PCDHGA3: variants seen among roughly 807,000 people sequenced by gnomAD.
The protein encoded by PCDHGA3 is protocadherin gamma subfamily A, 3.
Under a neutral mutation model 58.5 loss-of-function variants are expected in PCDHGA3, and 40 were observed. The observed-to-expected ratio is 0.68, with a 90% CI of 0.53 to 0.89. The LOEUF (loss-of-function observed/expected upper bound fraction) is 0.89, where lower values mean the gene tolerates loss of function less well. Ranked by LOEUF, PCDHGA3 falls within the 40% of genes least tolerant of loss-of-function variation. The pLI, the probability that PCDHGA3 is intolerant of heterozygous loss-of-function variation, is 0.00. For missense variants in PCDHGA3, 1,223 were observed against 1,195.9 expected (o/e 1.02, Z -0.33); for synonymous variants, 530 against 525.7 (o/e 1.01, Z -0.11).
intron 1 of PCDHGA3, chr5:141,478,018 C>T: frequency 1.9e-6 from 3 of 1,614,124 alleles, no homozygotes; most frequent in Non-Finnish European, 2.5e-6. Context: ...CCCGTCCAGT[C>T]CAAGACACAG....
chr5:141,361,023 A>T (rs1171139053), intron 1 of PCDHGA3: 1 of 1,613,384 alleles, frequency 6.2e-7, no homozygotes, highest in Non-Finnish European at 8.5e-7. Context: ...ACTTAAATGA[A>T]AAAACAGGAG....
In PCDHGA3 at chr5:141,489,335, G is replaced by A. The variant is rs138015049; in HGVS notation, c.2425-5472G>A. The A allele has an allele frequency of 8.2e-5, 132 of 1,607,244 alleles. No individual in the cohort carries two copies. The African/African-American group carries it at 1.5e-3, about 18-fold the overall frequency. On this transcript the variant is annotated intron_variant, in intron 1 of 3. Transcript: ENST00000253812. This position sits in a 1 kb window ranked among gnomAD's most constrained non-coding sequence, Gnocchi z 4.5. ...TGGGGCTGGGTGTCTGGGCAGCTTC[G>A]TTACTCAGTGGTGGAGGAGTCTGAG...
intron 1 of PCDHGA3, chr5:141,419,630 G>A (rs1484627772): frequency 6.2e-7 from 1 of 1,612,430 alleles, no homozygotes; most frequent in South Asian, 1.1e-5. Context: ...GGTGACCAAG[G>A]TGGTGGCCGT....
At chr5:141,350,118 T>A in intron 1 of PCDHGA3, 2 of 585,768 alleles carry the variant, frequency 3.4e-6, no homozygotes, top group Non-Finnish European at 5.3e-6. Context: ...CTTTGTCCGG[T>A]GCACTGAGCA....
At chr5:141,400,769 T>C (rs2094071773) in intron 1 of PCDHGA3, 2 of 575,796 alleles carry the variant, frequency 3.5e-6, no homozygotes, top group Admixed American at 3.4e-5. Flanking sequence ...GCAAAAACAT[T>C]TGGTGCGTTT....
Position 141,450,950 on chromosome 5 carries a change from A to G in PCDHGA3, c.2425-43857A>G, listed in dbSNP as rs1176916120. ...AGCAATTCTCCTACCTCAGCCTCCCAAGTAGCTGGGATTACAGGCATGTGC... is the reference window on the plus strand; with the variant it reads ...AGCAATTCTCCTACCTCAGCCTCCCGAGTAGCTGGGATTACAGGCATGTGC... On this transcript the variant is annotated intron_variant, in intron 1 of 3. Coordinates refer to ENST00000253812, the MANE Select transcript of PCDHGA3 (RefSeq NM_018916.4). Among the ~76,000 whole-genome samples, 9 of 150,714 alleles carry G rather than the reference A, an allele frequency of 6.0e-5. No individual in the cohort carries two copies. In the East Asian group the frequency reaches 1.6e-3, roughly 26 times the overall value.
At chr5:141,463,844 G>T (rs545618795) in intron 1 of PCDHGA3, among the ~76,000 whole-genome samples, 1 of 152,140 alleles carries the variant, frequency 6.6e-6, no homozygotes, top group African/African-American at 2.4e-5. Context: ...AGTTGTTATA[G>T]TGGTATATCT....
At chr5:141,418,966 C>T (rs754269610) in intron 1 of PCDHGA3, 44 of 1,613,892 alleles carry the variant, frequency 2.7e-5, no homozygotes, top group Non-Finnish European at 3.6e-5. Flanking sequence ...TTGCCCTCTT[C>T]AAAACACGGG....
At chr5:141,426,667 A>G in intron 1 of PCDHGA3, 2 of 430,860 alleles carry the variant, frequency 4.6e-6, no homozygotes, top group Non-Finnish European at 9.5e-6. Context: ...ATAAATGATA[A>G]CCCACCTCAT....
chr5:141,452,748 A>G (rs2098748275), intron 1 of PCDHGA3, among the ~76,000 whole-genome samples: 1 of 152,058 alleles, frequency 6.6e-6, no homozygotes, highest in Admixed American at 6.6e-5. Flanking sequence ...GAGAGAAGGA[A>G]GAAGGAAGGG....
At position 141,486,367 on chromosome 5, in the gene PCDHGA3, G is replaced by A; in HGVS notation, c.2425-8440G>A. On this transcript the variant is annotated intron_variant, in intron 1 of 3. Coordinates refer to ENST00000253812, the MANE Select transcript of PCDHGA3 (RefSeq NM_018916.4). This position sits in a 1 kb window ranked among gnomAD's most constrained non-coding sequence, Gnocchi z 5.0. Reference sequence around the variant, plus strand: ...CTGACCACTTGCCATTTGCCCTCAAGTCTGCCTTCAGGAACCAGTTCTCCC... The same window carrying A: ...CTGACCACTTGCCATTTGCCCTCAAATCTGCCTTCAGGAACCAGTTCTCCC... 1 of 1,614,148 alleles carries A rather than the reference G, an allele frequency of 6.2e-7. No individual in the cohort carries two copies. Among genetic ancestry groups the A allele is most frequent in the Non-Finnish European group, 8.5e-7 (1 of 1,180,022 alleles).
intron 1 of PCDHGA3, chr5:141,352,190 G>A: frequency 6.2e-7 from 1 of 1,613,874 alleles, no homozygotes; most frequent in East Asian, 2.2e-5. Flanking sequence ...CGCTGTGCGT[G>A]ATGGAGGACA....
At chr5:141,402,971 T>C in intron 1 of PCDHGA3, 2 of 1,608,370 alleles carry the variant, frequency 1.2e-6, no homozygotes. Flanking sequence ...TCCAACCAAA[T>C]GCCAGCTCCG....
In PCDHGA3 at chr5:141,431,788, T is replaced by G. The variant is rs775397713; in HGVS notation, c.2425-63019T>G. 1 of 1,614,190 alleles carries G rather than the reference T, an allele frequency of 6.2e-7. No homozygotes were observed. The highest frequency in any genetic ancestry group is 1.1e-5 in the South Asian group (1 of 91,080). ...TCACTGTTCTGGACGTGAACGACAA[T>G]GCCCCAGAAGTGGTCCTCACCTCTC... On this transcript the variant is annotated intron_variant, in intron 1 of 3. Coordinates refer to ENST00000253812, the MANE Select transcript of PCDHGA3 (RefSeq NM_018916.4). The surrounding 1 kb of genome is among the most constrained non-coding windows in gnomAD (Gnocchi z 4.8).
chr5:141,406,732 G>A (rs1190275382), intron 1 of PCDHGA3, among the ~76,000 whole-genome samples: 1 of 152,142 alleles, frequency 6.6e-6, no homozygotes, highest in Non-Finnish European at 1.5e-5. Context: ...TCTAAGACTG[G>A]ACACTGTGAA....
In PCDHGA3 at chr5:141,486,727, T is replaced by C; in HGVS notation, c.2425-8080T>C. ...TGAACCCCCAGACAGGAGCTGTTCA[T>C]GCTACTCGATCCTTTGACTATGAGC... On this transcript the variant is annotated intron_variant, in intron 1 of 3. Transcript: ENST00000253812. The surrounding 1 kb of genome is among the most constrained non-coding windows in gnomAD (Gnocchi z 5.0). 6.2e-7 allele frequency: 1 copy of C among 1,614,232 alleles called. No homozygotes were observed. Among genetic ancestry groups the C allele is most frequent in the Non-Finnish European group, 8.5e-7 (1 of 1,180,044 alleles).
At chr5:141,463,034 G>A (rs2099051345) in intron 1 of PCDHGA3, among the ~76,000 whole-genome samples, 2 of 152,112 alleles carry the variant, frequency 1.3e-5, no homozygotes, top group African/African-American at 4.8e-5. Flanking sequence ...ATTAATCTGA[G>A]TGTTCAGCAG....
intron 1 of PCDHGA3, chr5:141,441,971 G>C: frequency 3.3e-6 from 1 of 298,820 alleles, no homozygotes; most frequent in Admixed American, 4.4e-5. Flanking sequence ...AGGCTCTTCA[G>C]CCTGGAATGC....
At chr5:141,433,655 G>T (rs1227358856) in intron 1 of PCDHGA3, among the ~76,000 whole-genome samples, 2 of 152,036 alleles carry the variant, frequency 1.3e-5, no homozygotes, top group Non-Finnish European at 1.5e-5. Flanking sequence ...GACCAACATG[G>T]AGAAACCCCG....
Sources: gnomAD v4.1 joint callset for allele counts (sites outside exome capture counted in the v4.1 genomes callset) on GRCh38, gnomAD v4.1.1 for gene constraint, Gnocchi (gnomAD v3.1) non-coding constraint, MANE v1.5 for transcripts, NCBI Gene and HGNC (gene_info 2026-07-23, HGNC 2026-07-21) for gene names.